The following MAST2 variants were observed in gnomAD, a reference collection of about 807,000 sequenced individuals.
The protein encoded by MAST2 is microtubule associated serine/threonine kinase 2, also known as microtubule-associated serine/threonine-protein kinase 2.
MAST2 carries 70 observed loss-of-function variants against 147.4 expected under a neutral mutation model. The observed-to-expected ratio is 0.47, with a 90% CI of 0.39 to 0.58. The LOEUF (loss-of-function observed/expected upper bound fraction) is 0.58, where lower values mean the gene tolerates loss of function less well. MAST2 is among the 20% of genes least tolerant of loss of function. MAST2 has a pLI of 0.00. For synonymous variants in MAST2, 869 were observed against 896.8 expected, an observed-to-expected ratio of 0.97 and a Z score of 0.55; for missense variants, 2,080 against 2,302.3, an observed-to-expected ratio of 0.90 and a Z score of 1.98.
chr1:46,019,400 G>A (rs935830986), intron 10 of MAST2, among the ~76,000 whole-genome samples, 196 bp from the exon 11 acceptor site: 15 of 152,292 alleles, frequency 9.8e-5, no homozygotes, highest in African/African-American at 3.6e-4. Flanking sequence ...GTCATGTAGT[G>A]TTCTAAAGCA....
chr1:45,830,253 C>T (rs1570271685), intron 3 of MAST2, among the ~76,000 whole-genome samples: 1 of 142,710 alleles, frequency 7.0e-6, no homozygotes, highest in African/African-American at 2.6e-5. Context: ...CGGCTCACTG[C>T]AACCTCTGTC....
chr1:45,811,169 T>C (rs1249632345), intron 1 of MAST2, among the ~76,000 whole-genome samples: 1 of 147,620 alleles, frequency 6.8e-6, no homozygotes, highest in Non-Finnish European at 1.5e-5. Context: ...TATATTTCTT[T>C]TTTTTTTTTT....
At chr1:45,854,061 G>A (rs974977852) in intron 3 of MAST2, among the ~76,000 whole-genome samples, 2 of 152,050 alleles carry the variant, frequency 1.3e-5, no homozygotes, top group African/African-American at 2.4e-5. Context: ...TATTCAGGCC[G>A]GGCACAGTGG....
At chr1:45,964,534 T>C (rs1557973758) in intron 5 of MAST2, among the ~76,000 whole-genome samples, 2 of 152,222 alleles carry the variant, frequency 1.3e-5, no homozygotes, top group South Asian at 4.1e-4. Context: ...CTGATGGTAG[T>C]TTGTATTTCT....
At chr1:45,962,013 A>G (rs1660495194) in intron 5 of MAST2, among the ~76,000 whole-genome samples, 1 of 151,372 alleles carries the variant, frequency 6.6e-6, no homozygotes, top group African/African-American at 2.4e-5. Flanking sequence ...GAGTGAGAAC[A>G]TTCGGTGTTT....
At chr1:45,941,406 C>T (rs534749563) in intron 4 of MAST2, among the ~76,000 whole-genome samples, 2 of 152,158 alleles carry the variant, frequency 1.3e-5, no homozygotes, top group African/African-American at 4.8e-5. Flanking sequence ...ATTGCAGGCG[C>T]CTGCCACTGC....
At chr1:45,942,646 TGGGCTGCTA>T (rs1342492345) in intron 4 of MAST2, among the ~76,000 whole-genome samples, 1 of 152,168 alleles carries the variant, frequency 6.6e-6, no homozygotes, top group Non-Finnish European at 1.5e-5. Flanking sequence ...GACAAAGGCT[TGGGCTGCTA>T]GGGGCAGTAA....
intron 3 of MAST2, among the ~76,000 whole-genome samples, chr1:45,871,519 G>A (rs530928410): frequency 6.6e-6 from 1 of 152,278 alleles, no homozygotes; most frequent in East Asian, 1.9e-4. Context: ...GAGTCACTTT[G>A]TAATGAATAA....
intron 3 of MAST2, among the ~76,000 whole-genome samples, chr1:45,866,408 G>A (rs1396801663): frequency 2.6e-5 from 4 of 152,180 alleles, no homozygotes; most frequent in African/African-American, 7.2e-5. Context: ...AAGTAGTGAT[G>A]TATGTTCAAG....
At chr1:45,957,242 C>A (rs1416247950) in intron 4 of MAST2, among the ~76,000 whole-genome samples, 1 of 152,172 alleles carries the variant, frequency 6.6e-6, no homozygotes, top group Non-Finnish European at 1.5e-5. Flanking sequence ...ATCAATTATT[C>A]ATTCCTTGTT....
At chr1:45,950,928 C>T (rs1328384449) in intron 4 of MAST2, among the ~76,000 whole-genome samples, 1 of 151,816 alleles carries the variant, frequency 6.6e-6, no homozygotes, top group African/African-American at 2.4e-5. Context: ...CAAAAAAATA[C>T]GAATGTTAGC....
intron 5 of MAST2, among the ~76,000 whole-genome samples, chr1:45,983,878 G>A (rs983662724): frequency 6.6e-6 from 1 of 152,134 alleles, no homozygotes; most frequent in Non-Finnish European, 1.5e-5. Flanking sequence ...CTCTTTTTAG[G>A]GCGAAGGTGA....
intron 10 of MAST2, 55 bp from the exon 11 acceptor site, chr1:46,019,541 G>C: frequency 6.9e-7 from 1 of 1,452,690 alleles, no homozygotes; most frequent in Non-Finnish European, 9.7e-7. Flanking sequence ...GTCTGGTCCT[G>C]CTTAGCCCAG....
intron 3 of MAST2, among the ~76,000 whole-genome samples, chr1:45,870,270 A>G (rs1646329079): frequency 6.6e-6 from 1 of 151,956 alleles, no homozygotes; most frequent in African/African-American, 2.4e-5. Context: ...GTATCATCTG[A>G]TATTGTTTTA....
intron 5 of MAST2, among the ~76,000 whole-genome samples, chr1:45,967,119 G>A (rs1369985222): frequency 6.6e-6 from 1 of 151,764 alleles, no homozygotes; most frequent in Non-Finnish European, 1.5e-5. Context: ...TGTCACCCAG[G>A]CTGGAGTGCA....
chr1:45,911,853 ATATTAT>A (rs10595888), intron 4 of MAST2, among the ~76,000 whole-genome samples: 17,389 of 135,598 alleles, frequency 0.13, 1,192 homozygotes, highest in Admixed American at 0.17. Flanking sequence ...TATTATTGTT[ATATTAT>A]TATTATTATT....
chr1:45,954,273 G>A (rs185948965), intron 4 of MAST2, among the ~76,000 whole-genome samples: 42 of 152,282 alleles, frequency 2.8e-4, no homozygotes, highest in Admixed American at 2.7e-3. Flanking sequence ...AGCTCTTGCA[G>A]GGGTCAGATT....
chr1:45,885,162 A>G (rs963982465), intron 4 of MAST2, among the ~76,000 whole-genome samples: 1 of 152,118 alleles, frequency 6.6e-6, no homozygotes, highest in Non-Finnish European at 1.5e-5. Flanking sequence ...AAATTTTTAA[A>G]GTTTCTATAA....
At chr1:45,821,812 C>T (rs575314622) in intron 1 of MAST2, among the ~76,000 whole-genome samples, 17 of 150,886 alleles carry the variant, frequency 1.1e-4, no homozygotes, top group Admixed American at 3.3e-4. Context: ...CCATGGTGCC[C>T]GGCCTCTTCA....
Sources: allele counts gnomAD v4.1 joint callset (sites outside exome capture counted in the v4.1 genomes callset), GRCh38; gene constraint gnomAD v4.1.1; transcripts MANE v1.5; gene names NCBI Gene and HGNC (gene_info 2026-07-23, HGNC 2026-07-21).